Variants in EDC3 observed in about 807,000 individuals in gnomAD.
EDC3 encodes the protein enhancer of mRNA decapping 3.
In EDC3, 20 loss-of-function variants were observed where a neutral mutation model predicts 41.8. The observed-to-expected ratio is 0.48, with a 90% CI of 0.34 to 0.70. The LOEUF is 0.70. Among genes scored for constraint, EDC3 ranks in the 30% least tolerant of loss-of-function variants. EDC3 has a pLI of 0.01. For missense variants in EDC3, 444 were observed against 636.8 expected (o/e 0.70, Z 3.26); for synonymous variants, 206 against 243.2 (o/e 0.85, Z 1.42).
intron 3 of EDC3, among the ~76,000 whole-genome samples, chr15:74,667,425 A>G (rs1438401524): frequency 7.7e-6 from 1 of 130,192 alleles, no homozygotes; most frequent in Non-Finnish European, 1.6e-5. Flanking sequence ...AAGAAGAAAG[A>G]AAGGAGAAGG....
chr15:74,690,029 G>A (rs75169680), intron 1 of EDC3, among the ~76,000 whole-genome samples: 2 of 152,200 alleles, frequency 1.3e-5, no homozygotes, highest in East Asian at 3.9e-4. Flanking sequence ...GCCTATTCAT[G>A]ACAATAAATC....
At chr15:74,657,331 C>T (rs527496297) in intron 3 of EDC3, among the ~76,000 whole-genome samples, 23 of 152,340 alleles carry the variant, frequency 1.5e-4, no homozygotes, top group African/African-American at 5.1e-4. Context: ...GCTCCTGCAC[C>T]GGCTCACATG....
At chr15:74,634,815 T>G (rs1237721022) in intron 6 of EDC3, among the ~76,000 whole-genome samples, 3 of 152,214 alleles carry the variant, frequency 2.0e-5, no homozygotes, top group Non-Finnish European at 4.4e-5. Flanking sequence ...TACTCCTCTG[T>G]GTAGTCTACT....
At chr15:74,638,326 C>CTTTTTTTTTTTTTTTT (rs60846010) in intron 5 of EDC3, 1 of 92,618 alleles carries the variant, frequency 1.1e-5, no homozygotes, top group Admixed American at 1.3e-4. Flanking sequence ...AACTTCAGAT[C>CTTTTTTTTTTTTTTTT]TTTTTTTTTT....
In EDC3 at chr15:74,632,270, C is replaced by T. The variant is rs2062218784; in HGVS notation, c.*342G>A. ...CCCAGACAGGACCTGGCCCACTCTT[C>T]AATGTGTGTGCCCAGGCCCAGTGGC... On this transcript the variant is annotated 3_prime_UTR_variant, in exon 7 of 7. Transcript: ENST00000315127. This position sits in a 1 kb window ranked among gnomAD's most constrained non-coding sequence, Gnocchi z 4.0. 3.0e-6 allele frequency: 1 copy of T among 335,358 alleles called. No homozygotes were observed. The highest frequency in any genetic ancestry group is 5.6e-6 in the Non-Finnish European group (1 of 178,078). 20.8% of individuals were successfully genotyped at this position (335,358 alleles called of 1,614,324 possible).
chr15:74,669,001 C>T (rs995988518), intron 3 of EDC3, among the ~76,000 whole-genome samples: 3 of 151,912 alleles, frequency 2.0e-5, no homozygotes, highest in Admixed American at 6.6e-5. Context: ...TTGGGGAGGC[C>T]GAGGCAGGCA....
At chr15:74,640,954 G>A (rs1480650073) in intron 4 of EDC3, 2 of 289,092 alleles carry the variant, frequency 6.9e-6, no homozygotes, top group South Asian at 7.2e-5. Flanking sequence ...CAACCTATCA[G>A]GCACATGAGA....
In EDC3 at chr15:74,640,157, C is replaced by T. The variant is rs1200972477; in HGVS notation, c.974+309G>A. ...TAAAGTAAATGATGAGTGCCAAAGG[C>T]CAGGTCTCCGAAGGTTCCTAGAAGG... On this transcript the variant is annotated intron_variant, in intron 5 of 6. Transcript: ENST00000315127. 21 of 298,236 alleles carry T rather than the reference C, an allele frequency of 7.0e-5. 1 individual carries two copies. In the Admixed American group the frequency reaches 1.0e-3, roughly 15 times the overall value. 18.5% of individuals were successfully genotyped at this position (298,236 alleles called of 1,614,324 possible).
intron 1 of EDC3, among the ~76,000 whole-genome samples, chr15:74,688,094 T>C (rs2062959783): frequency 6.6e-6 from 1 of 152,216 alleles, no homozygotes; most frequent in Admixed American, 6.5e-5. Context: ...CAAACTTCCC[T>C]TTCCTCAGAA....
chr15:74,635,921 TTAA>T (rs1441946118), intron 5 of EDC3: 1 of 417,936 alleles, frequency 2.4e-6, no homozygotes, highest in East Asian at 4.3e-5. Context: ...CCATGAACAC[TTAA>T]TAGTTCCTCT....
chr15:74,666,505 C>T (rs1206047561), intron 3 of EDC3, among the ~76,000 whole-genome samples: 2 of 151,972 alleles, frequency 1.3e-5, no homozygotes, highest in African/African-American at 4.8e-5. Context: ...GAACATTATC[C>T]GTCAATTAAA....
chr15:74,666,788 T>C (rs1001931673), intron 3 of EDC3, among the ~76,000 whole-genome samples: 4 of 152,218 alleles, frequency 2.6e-5, no homozygotes, highest in African/African-American at 7.2e-5. Flanking sequence ...TGCTATGTAT[T>C]TGTCAAAACC....
At chr15:74,666,964 A>C (rs1435589964) in intron 3 of EDC3, among the ~76,000 whole-genome samples, 1 of 152,186 alleles carries the variant, frequency 6.6e-6, no homozygotes, top group Non-Finnish European at 1.5e-5. Context: ...GACCTAAATA[A>C]CTCTAGAAAT....
At chr15:74,672,487 T>C (rs189999215) in intron 2 of EDC3, among the ~76,000 whole-genome samples, 1 of 152,252 alleles carries the variant, frequency 6.6e-6, no homozygotes, top group Non-Finnish European at 1.5e-5. Flanking sequence ...GAACTCAGTC[T>C]GGTCAGTGGA....
At chr15:74,694,959 TAA>T (rs755076960) in intron 1 of EDC3, among the ~76,000 whole-genome samples, 41 of 139,994 alleles carry the variant, frequency 2.9e-4, no homozygotes, top group Admixed American at 3.6e-4. Flanking sequence ...TGCCATTCAT[TAA>T]AAAAAAAAAA....
At chr15:74,672,441 T>C (rs1295032305) in intron 2 of EDC3, among the ~76,000 whole-genome samples, 1 of 152,198 alleles carries the variant, frequency 6.6e-6, no homozygotes, top group Non-Finnish European at 1.5e-5. Context: ...TATTTTGATC[T>C]GGTATATAGA....
chr15:74,694,906 A>T (rs762119364), intron 1 of EDC3, among the ~76,000 whole-genome samples: 2 of 152,170 alleles, frequency 1.3e-5, no homozygotes, highest in Non-Finnish European at 2.9e-5. Context: ...TACATCATAC[A>T]GAGAAACTAG....
rs780126673 is a variant in EDC3, at chr15:74,632,707, C to T, written c.1432G>A (p.Asp478Asn). 7.4e-6 allele frequency: 12 copies of T among 1,614,026 alleles called. No individual in the cohort carries two copies. The highest frequency in any genetic ancestry group is 4.0e-5 in the African/African-American group (3 of 74,912). The change falls in exon 7 of 7, where the codon GAC (aspartate) becomes AAC (asparagine). Residue 478 changes from aspartate to asparagine, a missense_variant. By Grantham distance (23) the Asp-to-Asn change is conservative. Coordinates refer to ENST00000315127, the MANE Select transcript of EDC3 (RefSeq NM_025083.5). The surrounding 1 kb of genome is among the most constrained non-coding windows in gnomAD (Gnocchi z 4.0). ...GEHAGRIYLC[D>N]IGIPQQVFQE... ...AAGACCTGCTGGGGAATGCCAATGT[C>T]GCACAAATAGATACGGCCTGCGTGC...
chr15:74,635,016 C>G, intron 6 of EDC3: 1 of 461,812 alleles, frequency 2.2e-6, no homozygotes, highest in South Asian at 1.6e-5. Context: ...CAACATGCCT[C>G]CTTTCCCTGC....
Sources: allele counts gnomAD v4.1 joint callset (sites outside exome capture counted in the v4.1 genomes callset), GRCh38; gene constraint gnomAD v4.1.1; non-coding constraint Gnocchi (gnomAD v3.1); transcripts MANE v1.5; gene names NCBI Gene and HGNC (gene_info 2026-07-23, HGNC 2026-07-21).